The following UBE3C variants were observed in gnomAD, a reference collection of about 807,000 sequenced individuals.
UBE3C encodes the protein ubiquitin-protein ligase E3C.
Under a neutral mutation model 129.4 loss-of-function variants are expected in UBE3C, and 42 were observed. The ratio of observed to expected loss-of-function variants is 0.32; its 90% CI spans 0.25 to 0.42. The LOEUF is 0.42. Among genes scored for constraint, UBE3C ranks in the 10% least tolerant of loss-of-function variants. The probability of loss-of-function intolerance (pLI) is 1.00; values close to 1 mark genes in which losing one functional copy is unlikely to be tolerated. For synonymous variants in UBE3C, 510 were observed against 492.4 expected (o/e 1.04, Z -0.47); for missense variants, 1,049 against 1,319.1 (o/e 0.80, Z 3.17).
chr7:157,183,988 T>G lies in UBE3C; in HGVS notation c.1102T>G (p.Ser368Ala), dbSNP rs1808740216. Reference sequence around the variant, plus strand: ...GAGCTGTCACGACTCAGCCAGTGACTCTGAGGAGGAGAGTGAAGAAGCCGA... The same window carrying G: ...GAGCTGTCACGACTCAGCCAGTGACGCTGAGGAGGAGAGTGAAGAAGCCGA... ...SASCHDSASD[S>A]EEESEEADKP... is the part of the protein sequence containing the mutation. The change falls in exon 9 of 23, where the codon TCT (serine) becomes GCT (alanine). Residue 368 changes from serine (S) to alanine (A), a missense_variant. Coordinates refer to ENST00000348165, the MANE Select transcript of UBE3C (RefSeq NM_014671.3). The G allele has an allele frequency of 1.2e-6, 2 of 1,614,050 alleles. No homozygotes were observed. The highest frequency in any genetic ancestry group is 1.7e-6 in the Non-Finnish European group (2 of 1,180,032).
At chr7:157,151,210 A>T (rs1807748134) in intron 1 of UBE3C, among the ~76,000 whole-genome samples, 1 of 152,236 alleles carries the variant, frequency 6.6e-6, no homozygotes, top group Admixed American at 6.5e-5. Flanking sequence ...GGTTTAGCTT[A>T]GTCGTAAACG....
chr7:157,225,472 A>T lies in UBE3C; in HGVS notation c.2166A>T (p.Gly722=), dbSNP rs760355390. ...AAGGAGATGGTCCATTTCTGGATGG[A>T]ATTAATGTCACAATAAGAAGAAATT... is the stretch of plus-strand genomic sequence containing the variant. ...EVQGDGPFLD[G]INVTIRRNYI... Residue 722 remains glycine, a synonymous_variant, in exon 17 of 23, where the codon GGA becomes GGT. Transcript: ENST00000348165. The T allele has an allele frequency of 6.9e-6, 11 of 1,604,924 alleles. No individual in the cohort carries two copies. The highest frequency in any genetic ancestry group is 9.3e-6 in the Non-Finnish European group (11 of 1,177,822).
At chr7:157,218,546 G>T (rs1309340215) in intron 14 of UBE3C, among the ~76,000 whole-genome samples, 1 of 152,174 alleles carries the variant, frequency 6.6e-6, no homozygotes, top group Admixed American at 6.5e-5. Flanking sequence ...GTCCTCATAA[G>T]ATATTTGTGA....
intron 11 of UBE3C, 35 bp downstream of exon 11, chr7:157,201,842 G>C (rs1211129718): frequency 6.4e-7 from 1 of 1,556,052 alleles, no homozygotes; most frequent in South Asian, 1.2e-5. Context: ...TTGAGCTCAA[G>C]GGCACAGGAA....
intron 11 of UBE3C, among the ~76,000 whole-genome samples, chr7:157,205,906 A>T (rs10271970): frequency 6.6e-6 from 1 of 152,138 alleles, no homozygotes; most frequent in Non-Finnish European, 1.5e-5. Context: ...CAGAAGCTCC[A>T]GGTGGCTCAG....
At chr7:157,208,466 C>T (rs932525088) in intron 13 of UBE3C, among the ~76,000 whole-genome samples, 3 of 152,154 alleles carry the variant, frequency 2.0e-5, no homozygotes, top group African/African-American at 7.2e-5. Flanking sequence ...TTTTAATTTA[C>T]ATTTGCCTCA....
At chr7:157,242,358 C>T (rs536075428) in intron 18 of UBE3C, among the ~76,000 whole-genome samples, 1 of 152,262 alleles carries the variant, frequency 6.6e-6, no homozygotes, top group East Asian at 1.9e-4. Flanking sequence ...CATCATTGTC[C>T]TCAAATTTCT....
At chr7:157,225,133 G>A (rs1002886489) in intron 16 of UBE3C, among the ~76,000 whole-genome samples, 2 of 152,122 alleles carry the variant, frequency 1.3e-5, no homozygotes, top group African/African-American at 4.8e-5. Context: ...CTCCCAAGTA[G>A]CTGGGATTAC....
At chr7:157,266,603 G>A (rs984070411) in intron 22 of UBE3C, among the ~76,000 whole-genome samples, 7 of 152,104 alleles carry the variant, frequency 4.6e-5, no homozygotes, top group Admixed American at 2.6e-4. Flanking sequence ...TAAAACAGCC[G>A]TGTTCTAATT....
intron 13 of UBE3C, among the ~76,000 whole-genome samples, chr7:157,215,449 ATAGAT>A (rs1795529303): frequency 6.7e-6 from 1 of 148,834 alleles, no homozygotes. Context: ...TATATCCAGT[ATAGAT>A]TAGATATATT....
chr7:157,240,351 G>A (rs183379530), intron 18 of UBE3C, among the ~76,000 whole-genome samples: 24 of 152,268 alleles, frequency 1.6e-4, no homozygotes, highest in Admixed American at 9.8e-4. Context: ...CATAGCACCC[G>A]GCCAGCAAGC....
intron 1 of UBE3C, among the ~76,000 whole-genome samples, chr7:157,156,202 G>GA (rs1249114535): frequency 2.7e-5 from 4 of 149,596 alleles, no homozygotes; most frequent in Non-Finnish European, 4.4e-5. Flanking sequence ...TTAAAAGTGA[G>GA]AAAATATTAT....
Position 157,163,883 on chromosome 7 carries a change from A to G in UBE3C, c.120+20A>G. ...AGAGAGGTAAAAACAGTTTTGTAAT[A>G]CTCTGTAGATAAGCATTTTTTCTAC... On this transcript the variant is annotated intron_variant, in intron 2 of 22. Transcript: ENST00000348165. 1 of 1,611,248 alleles carries G rather than the reference A, an allele frequency of 6.2e-7. No homozygotes were observed. Among genetic ancestry groups the G allele is most frequent in the South Asian group, 1.1e-5 (1 of 90,740 alleles).
chr7:157,262,890 A>G (rs962808332), intron 22 of UBE3C: 2 of 152,216 alleles, frequency 1.3e-5, no homozygotes, highest in Non-Finnish European at 2.9e-5. Context: ...TTCCTGCAGA[A>G]TGGGACATTG....
chr7:157,235,105 G>C (rs1182435), intron 18 of UBE3C, among the ~76,000 whole-genome samples: 78,524 of 151,946 alleles, frequency 0.52, 23,249 homozygotes, highest in Non-Finnish European at 0.66. Context: ...GCAGGATAAT[G>C]GCTTGAACCT....
chr7:157,247,893 C>G (rs1047773382), intron 18 of UBE3C, among the ~76,000 whole-genome samples: 8 of 151,892 alleles, frequency 5.3e-5, no homozygotes, highest in African/African-American at 1.9e-4. Context: ...TGGGCACGGC[C>G]TTGTTTGGAA....
intron 15 of UBE3C, chr7:157,222,108 G>A (rs1795753269): frequency 6.6e-6 from 1 of 152,126 alleles, no homozygotes; most frequent in African/African-American, 2.4e-5. Flanking sequence ...TGGGCTCAAG[G>A]GATCTTCCCA....
intron 10 of UBE3C, among the ~76,000 whole-genome samples, chr7:157,201,198 C>T (rs1809269659): frequency 6.6e-6 from 1 of 151,864 alleles, no homozygotes; most frequent in South Asian, 2.1e-4. Flanking sequence ...GTGGCGGGCA[C>T]CTGTAATCCC....
intron 1 of UBE3C, among the ~76,000 whole-genome samples, chr7:157,145,440 C>T (rs1807578381): frequency 6.6e-6 from 1 of 152,138 alleles, no homozygotes; most frequent in African/African-American, 2.4e-5. Flanking sequence ...ATTGCTTGAA[C>T]CCGAGAGGCA....
Sources: allele counts gnomAD v4.1 joint callset (sites outside exome capture counted in the v4.1 genomes callset), GRCh38; gene constraint gnomAD v4.1.1; transcripts MANE v1.5; gene names NCBI Gene and HGNC (gene_info 2026-07-23, HGNC 2026-07-21).